Variants in SMURF2 observed in about 807,000 individuals in gnomAD.
The protein encoded by SMURF2 is E3 ubiquitin-protein ligase SMURF2.
SMURF2 carries 48 observed loss-of-function variants against 109.6 expected under a neutral mutation model. That is an observed-to-expected ratio of 0.44 (90% CI 0.35 to 0.56). The LOEUF (loss-of-function observed/expected upper bound fraction) is 0.56. Among genes scored for constraint, SMURF2 ranks in the 20% least tolerant of loss-of-function variants. The probability of loss-of-function intolerance (pLI) is 0.01; values close to 1 mark genes in which losing one functional copy is unlikely to be tolerated. For missense variants in SMURF2, 575 were observed against 909.0 expected, an observed-to-expected ratio of 0.63 and a Z score of 4.72; for synonymous variants, 288 against 317.1, an observed-to-expected ratio of 0.91 and a Z score of 0.97.
At chr17:64,546,053 T>A in intron 18 of SMURF2, 106 bp from the exon 19 acceptor site, 1 of 876,186 alleles carries the variant, frequency 1.1e-6, no homozygotes, top group Non-Finnish European at 1.8e-6. Context: ...CACAGAAAAC[T>A]AAAAGGTATT....
intron 1 of SMURF2, among the ~76,000 whole-genome samples, chr17:64,658,025 T>C (rs928630197): frequency 3.9e-5 from 6 of 151,988 alleles, no homozygotes; most frequent in South Asian, 2.1e-4. Context: ...ATAAAACAAA[T>C]TGGGGACATT....
At chr17:64,559,207 C>T (rs1403497691) in intron 12 of SMURF2, among the ~76,000 whole-genome samples, 3 of 152,152 alleles carry the variant, frequency 2.0e-5, no homozygotes, top group African/African-American at 7.2e-5. Context: ...AACTCAACTA[C>T]TTTGAGATTC....
chr17:64,641,888 C>A (rs1970497445), intron 1 of SMURF2, among the ~76,000 whole-genome samples: 1 of 152,176 alleles, frequency 6.6e-6, no homozygotes, highest in African/African-American at 2.4e-5. Context: ...CTCACTGCAA[C>A]CTCCACCTCC....
chr17:64,546,971 T>C (rs1208068497), intron 17 of SMURF2, among the ~76,000 whole-genome samples: 5 of 151,696 alleles, frequency 3.3e-5, no homozygotes, highest in African/African-American at 9.8e-5. Context: ...TGTGTCCTTA[T>C]TCATCACCAG....
chr17:64,546,419 T>G, intron 17 of SMURF2, 81 bp from the exon 18 acceptor site: 1 of 1,225,216 alleles, frequency 8.2e-7, no homozygotes, highest in Non-Finnish European at 1.2e-6. Context: ...AACTGGTAAG[T>G]TAACCACAGG....
At chr17:64,634,501 G>A (rs1269395211) in intron 1 of SMURF2, among the ~76,000 whole-genome samples, 2 of 152,170 alleles carry the variant, frequency 1.3e-5, no homozygotes, top group Non-Finnish European at 2.9e-5. Context: ...CAATTCCTGA[G>A]TCTTCCTAGA....
In SMURF2 at chr17:64,543,241, A is replaced by G. The variant is rs994264605; in HGVS notation, c.*2607T>C. ...AATCATGTTTTTATATATGTTGGTG[A>G]TAACATAGACTGTTATGGAGAGTAA... On this transcript the variant is annotated 3_prime_UTR_variant, in exon 19 of 19. Coordinates refer to ENST00000262435, the MANE Select transcript of SMURF2 (RefSeq NM_022739.4). 6.6e-6 allele frequency: 1 copy of G among 151,780 alleles called. No individual in the cohort carries two copies. The highest frequency in any genetic ancestry group is 6.6e-5 in the Admixed American group (1 of 15,240). 9.4% of individuals were successfully genotyped at this position (151,780 alleles called of 1,614,324 possible).
intron 1 of SMURF2, among the ~76,000 whole-genome samples, chr17:64,617,285 G>C (rs1970139852): frequency 6.6e-6 from 1 of 151,894 alleles, no homozygotes; most frequent in Admixed American, 6.6e-5. Context: ...AGGAATTTTA[G>C]GCAATTCATT....
chr17:64,662,097 G>A lies in SMURF2; in HGVS notation c.-217C>T, dbSNP rs1598323531. On this transcript the variant is annotated 5_prime_UTR_variant, in exon 1 of 19. Coordinates refer to ENST00000262435, the MANE Select transcript of SMURF2 (RefSeq NM_022739.4). ...CCTCCCACTTCTCCTTCCTCGGCCC[G>A]GGCCGCACAACAAAGCGGCAGCCGC... The A allele has an allele frequency of 9.4e-7, 1 of 1,066,656 alleles. No individual in the cohort carries two copies. The highest frequency in any genetic ancestry group is 1.7e-5 in the African/African-American group (1 of 58,678). 66.1% of individuals were successfully genotyped at this position (1,066,656 alleles called of 1,614,324 possible).
intron 1 of SMURF2, among the ~76,000 whole-genome samples, chr17:64,625,941 T>C (rs1312305139): frequency 4.6e-5 from 7 of 152,156 alleles, no homozygotes; most frequent in African/African-American, 1.7e-4. Context: ...CTCATCCACA[T>C]ACTCTTCCAA....
chr17:64,636,238 C>A (rs1970414802), intron 1 of SMURF2, among the ~76,000 whole-genome samples: 1 of 152,168 alleles, frequency 6.6e-6, no homozygotes, highest in Admixed American at 6.6e-5. Flanking sequence ...AGACTATAGG[C>A]ATGTGCCAAC....
chr17:64,589,926 T>A (rs782579805), intron 5 of SMURF2, among the ~76,000 whole-genome samples: 55 of 151,908 alleles, frequency 3.6e-4, no homozygotes, highest in Non-Finnish European at 6.6e-4. Flanking sequence ...GTACCAAAAA[T>A]GGTGGGGTGC....
At position 64,545,811 on chromosome 17, in the gene SMURF2, T is replaced by C. The variant is rs374703435; in HGVS notation, c.*37A>G. The C allele has an allele frequency of 7.5e-6, 9 of 1,196,026 alleles. No individual in the cohort carries two copies. The highest frequency in any genetic ancestry group is 1.1e-5 in the Non-Finnish European group (9 of 802,080). The allele number at this position is 1,196,026 out of a possible 1,614,324, so 74.1% of individuals were successfully genotyped here. A position where few individuals can be genotyped will look rare whatever the true frequency, so the allele number is the denominator to read the frequency against. On this transcript the variant is annotated 3_prime_UTR_variant, in exon 19 of 19. Coordinates refer to ENST00000262435, the MANE Select transcript of SMURF2 (RefSeq NM_022739.4). ...CTGAAAGGAGGCTGTCAGTCAGGGT[T>C]GTATAAATAGAGTCCTGGGTAAATC...
At chr17:64,574,647 T>A (rs1044323053) in intron 9 of SMURF2, among the ~76,000 whole-genome samples, 1 of 152,242 alleles carries the variant, frequency 6.6e-6, no homozygotes, top group Non-Finnish European at 1.5e-5. Context: ...TGTAAGTTTT[T>A]AAGGTAATTT....
intron 5 of SMURF2, among the ~76,000 whole-genome samples, chr17:64,588,560 A>T (rs1969701285): frequency 6.6e-6 from 1 of 152,146 alleles, no homozygotes; most frequent in South Asian, 2.1e-4. Context: ...TATACATTTT[A>T]TATACATATT....
At chr17:64,574,375 A>G (rs1360540412) in intron 9 of SMURF2, among the ~76,000 whole-genome samples, 2 of 152,244 alleles carry the variant, frequency 1.3e-5, no homozygotes, top group African/African-American at 2.4e-5. Context: ...ACAGTCACTC[A>G]GTATGCAATA....
At chr17:64,569,537 A>T (rs1969369096) in intron 10 of SMURF2, among the ~76,000 whole-genome samples, 1 of 152,212 alleles carries the variant, frequency 6.6e-6, no homozygotes, top group Non-Finnish European at 1.5e-5. Flanking sequence ...AAAAATTGTG[A>T]ACAGGACCTT....
At chr17:64,642,984 A>T (rs1307138242) in intron 1 of SMURF2, among the ~76,000 whole-genome samples, 1 of 151,916 alleles carries the variant, frequency 6.6e-6, no homozygotes, top group African/African-American at 2.4e-5. Context: ...TTTTGTAGAG[A>T]CGGAGTTTCA....
intron 15 of SMURF2, 24 bp downstream of exon 15, chr17:64,554,832 C>T: frequency 6.2e-7 from 1 of 1,606,822 alleles, no homozygotes; most frequent in Non-Finnish European, 8.5e-7. Flanking sequence ...AAAAATTCAG[C>T]CTTGAGAACA....
Sources: gnomAD v4.1 joint callset for allele counts (sites outside exome capture counted in the v4.1 genomes callset) on GRCh38, gnomAD v4.1.1 for gene constraint, MANE v1.5 for transcripts, NCBI Gene and HGNC (gene_info 2026-07-23, HGNC 2026-07-21) for gene names.